Variants in NELL1 observed in about 807,000 individuals in gnomAD.
NELL1 encodes neural EGFL like 1, also known as protein kinase C-binding protein NELL1.
A neutral mutation model predicts 107.4 loss-of-function variants in NELL1; 76 were observed. That is an observed-to-expected ratio of 0.71 (90% CI 0.59 to 0.86). The LOEUF (loss-of-function observed/expected upper bound fraction) is 0.86, where lower values mean the gene tolerates loss of function less well. NELL1 is among the 40% of genes least tolerant of loss of function. The pLI, the probability that NELL1 is intolerant of heterozygous loss-of-function variation, is 0.00. For missense variants in NELL1, 1,024 were observed against 1,005.5 expected, an observed-to-expected ratio of 1.02 and a Z score of -0.25; for synonymous variants, 353 against 341.2, an observed-to-expected ratio of 1.03 and a Z score of -0.38.
At chr11:21,213,918 A>G (rs1225630594) in intron 13 of NELL1, among the ~76,000 whole-genome samples, 2 of 152,194 alleles carry the variant, frequency 1.3e-5, no homozygotes, top group Admixed American at 6.5e-5. Context: ...AAGGTTAGAG[A>G]AGAGTTCTTG....
At chr11:21,404,018 C>G (rs1164688561) in intron 15 of NELL1, among the ~76,000 whole-genome samples, 1 of 109,816 alleles carries the variant, frequency 9.1e-6, no homozygotes, top group Non-Finnish European at 1.9e-5. Flanking sequence ...CCCCCCCCCG[C>G]AATCAAAACC....
intron 14 of NELL1, among the ~76,000 whole-genome samples, chr11:21,344,167 C>T (rs1222615699): frequency 6.6e-6 from 1 of 152,172 alleles, no homozygotes; most frequent in Non-Finnish European, 1.5e-5. Flanking sequence ...AATGTTGTGG[C>T]TTTCCTTGAA....
chr11:21,466,649 A>G (rs1254409615), intron 15 of NELL1, among the ~76,000 whole-genome samples: 1 of 152,164 alleles, frequency 6.6e-6, no homozygotes, highest in African/African-American at 2.4e-5. Flanking sequence ...TAAAATGGAT[A>G]AAAGCAGAGT....
chr11:20,771,335 G>A (rs1237070814), intron 2 of NELL1, among the ~76,000 whole-genome samples: 2 of 152,126 alleles, frequency 1.3e-5, no homozygotes, highest in East Asian at 3.9e-4. Flanking sequence ...ATTTCTCACT[G>A]AGCCTCTGAC....
chr11:20,916,658 G>T (rs1218958461), intron 5 of NELL1, among the ~76,000 whole-genome samples: 1 of 151,872 alleles, frequency 6.6e-6, no homozygotes, highest in African/African-American at 2.4e-5. Context: ...TTGCCTAGGA[G>T]CCTCTGTTTT....
chr11:21,334,950 T>A (rs1850357273), intron 14 of NELL1, among the ~76,000 whole-genome samples: 1 of 151,948 alleles, frequency 6.6e-6, no homozygotes, highest in African/African-American at 2.4e-5. Flanking sequence ...AACATGTTGT[T>A]TTGGTTATCC....
At chr11:21,054,567 A>G (rs910472174) in intron 12 of NELL1, among the ~76,000 whole-genome samples, 2 of 152,116 alleles carry the variant, frequency 1.3e-5, no homozygotes, top group East Asian at 1.9e-4. Context: ...CACAGCATAG[A>G]TAAGTGCTAT....
At chr11:21,175,773 A>C (rs991099262) in intron 13 of NELL1, among the ~76,000 whole-genome samples, 3 of 151,924 alleles carry the variant, frequency 2.0e-5, no homozygotes, top group Non-Finnish European at 4.4e-5. Context: ...CTTTGTGCAC[A>C]TTTAAATTTT....
intron 2 of NELL1, among the ~76,000 whole-genome samples, chr11:20,765,726 G>A (rs144177368): frequency 6.6e-6 from 1 of 152,248 alleles, no homozygotes; most frequent in Non-Finnish European, 1.5e-5. Context: ...GGTGGGAGTT[G>A]GGCCTGGTGA....
At chr11:21,484,301 GA>G (rs1471034485) in intron 15 of NELL1, among the ~76,000 whole-genome samples, 2 of 151,182 alleles carry the variant, frequency 1.3e-5, no homozygotes, top group African/African-American at 2.4e-5. Context: ...TATGCCCCGA[GA>G]AACCACCACC....
At chr11:20,885,066 C>A (rs1161109575) in intron 4 of NELL1, among the ~76,000 whole-genome samples, 1 of 152,178 alleles carries the variant, frequency 6.6e-6, no homozygotes, top group Non-Finnish European at 1.5e-5. Context: ...GAGTTCTTAT[C>A]CCAACTCTAC....
At chr11:21,213,104 T>C (rs991383384) in intron 13 of NELL1, among the ~76,000 whole-genome samples, 1 of 152,168 alleles carries the variant, frequency 6.6e-6, no homozygotes, top group Admixed American at 6.5e-5. Context: ...CTATCATATA[T>C]AATTGCTCCA....
intron 14 of NELL1, among the ~76,000 whole-genome samples, chr11:21,309,290 A>ATATATATGTATATATAT (rs1565160499): frequency 8.1e-6 from 1 of 123,738 alleles, no homozygotes; most frequent in African/African-American, 3.5e-5. Flanking sequence ...GTATATATAT[A>ATATATATGTATATATAT]TATATATATG....
chr11:21,466,888 C>T (rs1854046171), intron 15 of NELL1, among the ~76,000 whole-genome samples: 1 of 151,488 alleles, frequency 6.6e-6, no homozygotes, highest in Non-Finnish European at 1.5e-5. Flanking sequence ...AAGACTTGTC[C>T]CGTATCTCAT....
intron 2 of NELL1, among the ~76,000 whole-genome samples, chr11:20,751,298 A>G (rs1030334520): frequency 3.3e-5 from 5 of 152,148 alleles, no homozygotes; most frequent in African/African-American, 1.2e-4. Context: ...CATTAAATCT[A>G]TGCATCAATT....
chr11:21,363,142 C>G (rs1477153511), intron 14 of NELL1, among the ~76,000 whole-genome samples: 1 of 152,140 alleles, frequency 6.6e-6, no homozygotes, highest in African/African-American at 2.4e-5. Context: ...AAAACCACTG[C>G]CAATTTCAGG....
chr11:21,124,655 G>A (rs181027288), intron 13 of NELL1, among the ~76,000 whole-genome samples: 325 of 151,084 alleles, frequency 2.2e-3, no homozygotes, highest in African/African-American at 7.5e-3. Context: ...AGGCTAGAGT[G>A]CAATGGTGCG....
chr11:21,252,713 T>G (rs773296619), intron 14 of NELL1, among the ~76,000 whole-genome samples: 9 of 152,174 alleles, frequency 5.9e-5, no homozygotes, highest in Non-Finnish European at 1.3e-4. Flanking sequence ...TTTGAGGTTT[T>G]GCTTTCATTT....
At chr11:20,678,290 G>T (rs1386620101) in intron 2 of NELL1, among the ~76,000 whole-genome samples, 2 of 152,146 alleles carry the variant, frequency 1.3e-5, no homozygotes, top group African/African-American at 4.8e-5. Context: ...CTTGATTTTG[G>T]TGAGGATCTA....
Sources: gnomAD v4.1 joint callset for allele counts (sites outside exome capture counted in the v4.1 genomes callset) on GRCh38, gnomAD v4.1.1 for gene constraint, MANE v1.5 for transcripts, NCBI Gene and HGNC (gene_info 2026-07-23, HGNC 2026-07-21) for gene names.